Variants in IRF4 observed in about 807,000 individuals in gnomAD.
IRF4 encodes the protein lymphocyte-specific interferon regulatory factor.
IRF4 carries 13 observed loss-of-function variants against 55.5 expected under a neutral mutation model. The observed-to-expected ratio is 0.23, with a 90% CI of 0.15 to 0.37. The LOEUF (loss-of-function observed/expected upper bound fraction) is 0.37. Ranked by LOEUF, IRF4 falls within the 10% of genes least tolerant of loss-of-function variation. IRF4 has a pLI of 1.00. For missense variants in IRF4, 397 were observed against 593.8 expected (o/e 0.67, Z 3.44); for synonymous variants, 249 against 240.7 (o/e 1.03, Z -0.32).
intron 8 of IRF4, chr6:406,881 A>T: frequency 1.9e-6 from 2 of 1,076,000 alleles, no homozygotes; most frequent in Non-Finnish European, 2.3e-6. Flanking sequence ...GCTGAACATT[A>T]AGGCGTTTTT....
chr6:400,534 A>G (rs1253277589), intron 6 of IRF4, among the ~76,000 whole-genome samples: 1 of 152,256 alleles, frequency 6.6e-6, no homozygotes, highest in Admixed American at 6.5e-5. Flanking sequence ...ATGAACTTTT[A>G]GAGTATTTTT....
chr6:398,036 T>A (rs904737614), intron 5 of IRF4, among the ~76,000 whole-genome samples: 1 of 152,236 alleles, frequency 6.6e-6, no homozygotes, highest in Non-Finnish European at 1.5e-5. Flanking sequence ...TACCACTCTT[T>A]AATGTTTGTA....
chr6:407,698 A>G lies in IRF4; in HGVS notation c.*100A>G. ...CTGTCTCCCAGGCTGGAGTGCAGTG[A>G]CACAATCTCAGCTCACTGTGACCTC... On this transcript the variant is annotated 3_prime_UTR_variant, in exon 9 of 9. Coordinates refer to ENST00000380956, the MANE Select transcript of IRF4 (RefSeq NM_002460.4). The G allele has an allele frequency of 2.7e-6, 3 of 1,106,394 alleles. No homozygotes were observed. Among genetic ancestry groups the G allele is most frequent in the Non-Finnish European group, 1.3e-6 (1 of 785,904 alleles). The allele number at this position is 1,106,394 out of a possible 1,614,324, so 68.5% of individuals were successfully genotyped here. A position where few individuals can be genotyped will look rare whatever the true frequency, so the allele number is the denominator to read the frequency against.
chr6:405,774 A>G (rs1761528670), intron 8 of IRF4, among the ~76,000 whole-genome samples: 1 of 152,164 alleles, frequency 6.6e-6, no homozygotes, highest in African/African-American at 2.4e-5. Context: ...TAGGGTTAGG[A>G]TTAGGGTTAG....
At chr6:402,469 C>T (rs557670347) in intron 7 of IRF4, among the ~76,000 whole-genome samples, 11 of 150,642 alleles carry the variant, frequency 7.3e-5, no homozygotes, top group Admixed American at 1.3e-4. Flanking sequence ...ACCCGCCACT[C>T]GCCACCCCAC....
At chr6:398,800 A>C in intron 5 of IRF4, 28 bp from the exon 6 acceptor site, 3 of 1,528,572 alleles carry the variant, frequency 2.0e-6, no homozygotes, top group Non-Finnish European at 2.7e-6. Flanking sequence ...CTGTCTAGAC[A>C]TCATCTGATT....
chr6:392,131 C>T (rs1330056185), intron 1 of IRF4, among the ~76,000 whole-genome samples: 33 of 152,234 alleles, frequency 2.2e-4, no homozygotes. Context: ...GAGGCGGGGC[C>T]GTCCAAGGCA....
intron 6 of IRF4, 113 bp downstream of exon 6, chr6:399,048 G>T: frequency 1.6e-6 from 1 of 637,608 alleles, no homozygotes; most frequent in Non-Finnish European, 2.7e-6. Flanking sequence ...GCTCCCTCTG[G>T]GGTCTGGAGT....
Position 409,255 on chromosome 6 carries a change from A to C in IRF4, c.*1657A>C, listed in dbSNP as rs1304767640. ...TTTTTTAATGTTTAAAAAGTTTCTAATATTAAAGTCAGAATATTAATACAA... is the reference window on the plus strand; with the variant it reads ...TTTTTTAATGTTTAAAAAGTTTCTACTATTAAAGTCAGAATATTAATACAA... On this transcript the variant is annotated 3_prime_UTR_variant, in exon 9 of 9. Transcript: ENST00000380956. The C allele has an allele frequency of 5.2e-6, 1 of 193,580 alleles. No individual in the cohort carries two copies. The highest frequency in any genetic ancestry group is 1.1e-5 in the Non-Finnish European group (1 of 92,700). 12.0% of individuals were successfully genotyped at this position (193,580 alleles called of 1,614,324 possible). A position where few individuals can be genotyped will look rare whatever the true frequency, so the allele number is the denominator to read the frequency against.
intron 5 of IRF4, among the ~76,000 whole-genome samples, chr6:398,397 C>T (rs985798794): frequency 6.6e-6 from 1 of 152,198 alleles, no homozygotes; most frequent in Admixed American, 6.5e-5. Context: ...TTCTCCCAAC[C>T]CACAAGAGAC....
chr6:392,558 G>A (rs1761133898), intron 1 of IRF4, among the ~76,000 whole-genome samples: 1 of 152,266 alleles, frequency 6.6e-6, no homozygotes, highest in Non-Finnish European at 1.5e-5. Context: ...TCCTATTCGG[G>A]GCGAAGGGTC....
At chr6:405,200 A>G in intron 8 of IRF4, 70 bp downstream of exon 8, 2 of 846,920 alleles carry the variant, frequency 2.4e-6, no homozygotes, top group Non-Finnish European at 3.9e-6. Context: ...TTCATTTAGA[A>G]AAGTCCCAAA....
intron 8 of IRF4, 116 bp downstream of exon 8, chr6:405,246 C>T (rs554554287): frequency 1.4e-5 from 9 of 663,972 alleles, no homozygotes; most frequent in Admixed American, 2.5e-5. Context: ...GAAAAATAAG[C>T]GTAACCCTTA....
intron 3 of IRF4, among the ~76,000 whole-genome samples, chr6:395,241 G>C (rs973917113): frequency 9.9e-5 from 15 of 151,640 alleles, no homozygotes; most frequent in African/African-American, 2.4e-5. Flanking sequence ...ATGTATATGG[G>C]GGGGGGTGCA....
intron 4 of IRF4, 25 bp from the exon 5 acceptor site, chr6:397,083 C>T: frequency 6.2e-7 from 1 of 1,613,406 alleles, no homozygotes; most frequent in South Asian, 1.1e-5. Context: ...TGCTTCTTAT[C>T]TCAGCCTCTC....
At position 393,094 on chromosome 6, in the gene IRF4, G is replaced by A. The variant is rs758729835; in HGVS notation, c.-55-4G>A. The A allele has an allele frequency of 2.7e-6, 4 of 1,459,130 alleles. No individual in the cohort carries two copies. The South Asian group carries it at 5.1e-5, about 19-fold the overall frequency. 90.4% of individuals were successfully genotyped at this position (1,459,130 alleles called of 1,614,324 possible). On this transcript the variant is annotated splice_region_variant and splice_polypyrimidine_tract_variant and intron_variant, in intron 1 of 8. Transcript: ENST00000380956. The surrounding 1 kb of genome is among the most constrained non-coding windows in gnomAD (Gnocchi z 5.4). Reference sequence around the variant, plus strand: ...TGGCTGAAGGGCAGCTCTTCTCCCCGCAGTGCAGAGCAGAGCGGGCGGAGG... The same window carrying A: ...TGGCTGAAGGGCAGCTCTTCTCCCCACAGTGCAGAGCAGAGCGGGCGGAGG...
chr6:406,818 C>T (rs1761558714), intron 8 of IRF4: 20 of 1,189,176 alleles, frequency 1.7e-5, no homozygotes, highest in Non-Finnish European at 2.1e-5. Context: ...TCTCTAATAT[C>T]ATGATTGATG....
rs1325075816 is a variant in IRF4 at position 410,916 on chromosome 6, C to G, written c.*3318C>G. 1 of 232,572 alleles carries G rather than the reference C, an allele frequency of 4.3e-6. No homozygotes were observed. The highest frequency in any genetic ancestry group is 5.6e-5 in the Admixed American group (1 of 17,744). The allele number at this position is 232,572 out of a possible 1,614,324, so 14.4% of individuals were successfully genotyped here. On this transcript the variant is annotated 3_prime_UTR_variant, in exon 9 of 9. Coordinates refer to ENST00000380956, the MANE Select transcript of IRF4 (RefSeq NM_002460.4). ...ATTTTGTAAGTTATGTTTTACATGC[C>G]CCGTTTTTGAGACTGATCTCGATGC...
rs1319364805 is a variant in IRF4, at chr6:407,641, T to G, written c.*43T>G. 2.0e-6 allele frequency: 3 copies of G among 1,531,586 alleles called. No homozygotes were observed. The South Asian group carries it at 3.6e-5, about 19-fold the overall frequency. The allele number at this position is 1,531,586 out of a possible 1,614,324, so 94.9% of individuals were successfully genotyped here. A position where few individuals can be genotyped will look rare whatever the true frequency, so the allele number is the denominator to read the frequency against. ...GGTTTTCTTTTTCCTTTTTTTTTTT[T>G]TTTTTTTGATACGGGGATACGGGGT... On this transcript the variant is annotated 3_prime_UTR_variant, in exon 9 of 9. Coordinates refer to ENST00000380956, the MANE Select transcript of IRF4 (RefSeq NM_002460.4).
Sources: gnomAD v4.1 joint callset for allele counts (sites outside exome capture counted in the v4.1 genomes callset) on GRCh38, gnomAD v4.1.1 for gene constraint, Gnocchi (gnomAD v3.1) non-coding constraint, MANE v1.5 for transcripts, NCBI Gene and HGNC (gene_info 2026-07-23, HGNC 2026-07-21) for gene names.